COL16A1: variants seen among roughly 807,000 people sequenced by gnomAD.
The protein encoded by COL16A1 is collagen alpha-1(XVI) chain.
A neutral mutation model predicts 266.3 loss-of-function variants in COL16A1; 189 were observed. The observed-to-expected ratio is 0.71, with a 90% confidence interval of 0.63 to 0.80. The LOEUF (loss-of-function observed/expected upper bound fraction) is 0.80, where lower values mean the gene tolerates loss of function less well. Ranked by LOEUF, COL16A1 falls within the 30% of genes least tolerant of loss-of-function variation. The pLI is 0.00. For synonymous variants in COL16A1, 740 were observed against 782.3 expected (o/e 0.95, Z 0.90); for missense variants, 1,928 against 2,122.4 (o/e 0.91, Z 1.80).
chr1:31,690,530 G>A lies in COL16A1; in HGVS notation c.1481C>T (p.Pro494Leu), dbSNP rs747974842. 1 of 1,613,990 alleles carries A rather than the reference G, an allele frequency of 6.2e-7. No homozygotes were observed. ...CCCCGCTGGATTGGTGTCACTCACA[G>A]GTTTCCCACCAGGGCCTTCCTTTCC... ...IPGKEGPGGK[P>L]GKPGVKGEKG... Residue 494 changes from proline (P) to leucine (L), a missense_variant and splice_region_variant, in exon 21 of 71, where the codon CCT (proline) becomes CTT (leucine). Transcript: ENST00000373672.
intron 52 of COL16A1, 126 bp downstream of exon 52, chr1:31,667,449 G>T (rs1642230458): frequency 1.3e-6 from 1 of 753,542 alleles, no homozygotes; most frequent in South Asian, 1.8e-5. Context: ...TGTGCTGCAG[G>T]CTTGGGGGCA....
chr1:31,683,693 G>T lies in COL16A1; in HGVS notation c.2379+14C>A, dbSNP rs767393131. ...GTGCTGAGAGGACAGGCAAAGGCAG[G>T]GCTAGAGACTCACCTGGGGTCCCTG... On this transcript the variant is annotated intron_variant, in intron 34 of 70. Transcript: ENST00000373672. The T allele has an allele frequency of 2.5e-6, 4 of 1,614,034 alleles. No individual in the cohort carries two copies. Among genetic ancestry groups the T allele is most frequent in the East Asian group, 2.2e-5 (1 of 44,872 alleles).
At chr1:31,680,216 A>T in intron 39 of COL16A1, 115 bp from the exon 40 acceptor site, 1 of 1,465,232 alleles carries the variant, frequency 6.8e-7, no homozygotes, top group Non-Finnish European at 9.2e-7. Flanking sequence ...TCAATCCAGG[A>T]TCTGCCTCTT....
chr1:31,697,033 T>C lies in COL16A1; in HGVS notation c.794A>G (p.Glu265Gly), dbSNP rs1394625444. 5 of 1,614,098 alleles carry C rather than the reference T, an allele frequency of 3.1e-6. No individual in the cohort carries two copies. Among genetic ancestry groups the C allele is most frequent in the Non-Finnish European group, 4.2e-6 (5 of 1,180,000 alleles). ...CTTGCCTTCAGACTGTGGATTGATC[T>C]CAATGAGCTCATTGCTCTGGGTGTC... is the stretch of plus-strand genomic sequence containing the variant. ...RRDTQSNELIEINPQSEGKVY... is the reference protein window; with the variant it reads ...RRDTQSNELIGINPQSEGKVY... The change falls in exon 8 of 71, where the codon GAG (glutamate) becomes GGG (glycine). Residue 265 changes from glutamate to glycine, a missense_variant. By Grantham distance (98) the Glu-to-Gly change is moderately conservative (BLOSUM62 -2). This residue lies in a region of COL16A1 where 1,552 missense variants were observed against 1,637.2 expected (regional missense o/e 0.95). Coordinates refer to ENST00000373672, the MANE Select transcript of COL16A1 (RefSeq NM_001856.4). This position sits in a 1 kb window ranked among gnomAD's most constrained non-coding sequence, Gnocchi z 4.2.
chr1:31,684,564 C>T lies in COL16A1; in HGVS notation c.2119G>A (p.Glu707Lys), dbSNP rs561814177. ...GTTGRPGLSG[E>K]PGVQGPAGPK... ...CCCGCGGGGCCCTGAACTCCAGGCTCTCCTGACAGTCCTGGCCGCCCTGTG... is the reference window on the plus strand; with the variant it reads ...CCCGCGGGGCCCTGAACTCCAGGCTTTCCTGACAGTCCTGGCCGCCCTGTG... The change falls in exon 31 of 71, where the codon GAG (glutamate) becomes AAG (lysine). Residue 707 changes from glutamate to lysine, a missense_variant. Glu to Lys is a moderately conservative substitution (Grantham distance 56). Coordinates refer to ENST00000373672, the MANE Select transcript of COL16A1 (RefSeq NM_001856.4). 1.9e-5 allele frequency: 30 copies of T among 1,613,740 alleles called. No homozygotes were observed. In the East Asian group the frequency reaches 4.5e-4, roughly 24 times the overall value.
At chr1:31,680,771 T>C (rs2148753782) in intron 39 of COL16A1, 134 bp downstream of exon 39, 1 of 1,543,022 alleles carries the variant, frequency 6.5e-7, no homozygotes, top group Non-Finnish European at 8.8e-7. Flanking sequence ...GGCAGCTTCA[T>C]GTGCACAGGC....
Position 31,657,060 on chromosome 1 carries a change from A to G in COL16A1, c.4029T>C (p.Pro1343=). 1.2e-6 allele frequency: 2 copies of G among 1,614,130 alleles called. No individual in the cohort carries two copies. The highest frequency in any genetic ancestry group is 1.7e-6 in the Non-Finnish European group (2 of 1,180,020). The change falls in exon 65 of 71, where the codon CCT becomes CCC. Residue 1343 remains proline (P), a synonymous_variant. Coordinates refer to ENST00000373672, the MANE Select transcript of COL16A1 (RefSeq NM_001856.4). This position sits in a 1 kb window ranked among gnomAD's most constrained non-coding sequence, Gnocchi z 6.4. The part of the protein sequence containing the change: ...PPGHPGPPGE[P]GTDGAAGKEG... ...CTTTGCCAGCTGCACCATCCGTACC[A>G]GGTTCGCCCTGGGGAGTAGAGAGCA...
At position 31,676,347 on chromosome 1, in the gene COL16A1, C is replaced by A. The variant is rs553342388; in HGVS notation, c.2773-1036G>T. ...CTCAAAAAAAAAAAAAAAAAAGAAC[C>A]CAGAGGAGTAAGTAACTTGCCAAAG... On this transcript the variant is annotated intron_variant, in intron 42 of 70. Coordinates refer to ENST00000373672, the MANE Select transcript of COL16A1 (RefSeq NM_001856.4). 2.6e-5 allele frequency among the ~76,000 whole-genome samples: 4 copies of A among 151,626 alleles called. No homozygotes were observed. In the East Asian group the frequency reaches 7.8e-4, roughly 29 times the overall value.
At chr1:31,703,145 T>C (rs1337843415) in intron 1 of COL16A1, among the ~76,000 whole-genome samples, 1 of 152,108 alleles carries the variant, frequency 6.6e-6, no homozygotes, top group Non-Finnish European at 1.5e-5. Context: ...AAACATATGC[T>C]CGCTGATATA....
chr1:31,691,206 T>C lies in COL16A1; in HGVS notation c.1419A>G (p.Pro473=), dbSNP rs1226275411. The C allele has an allele frequency of 1.2e-6, 2 of 1,613,872 alleles. No individual in the cohort carries two copies. Among genetic ancestry groups the C allele is most frequent in the African/African-American group, 1.3e-5 (1 of 74,930 alleles). ...PGTPGDPGGP[P]GPKGDKGSSG... Reference sequence around the variant, plus strand: ...TGCTCACCTTGTCTCCCTTGGGGCCTGGTGGGCCACCTGGATCCCCCTGAG... The same window carrying C: ...TGCTCACCTTGTCTCCCTTGGGGCCCGGTGGGCCACCTGGATCCCCCTGAG... The change falls in exon 20 of 71, where the codon CCA becomes CCG. Residue 473 remains proline (P), a synonymous_variant. Coordinates refer to ENST00000373672, the MANE Select transcript of COL16A1 (RefSeq NM_001856.4).
chr1:31,652,807 T>G lies in COL16A1; in HGVS notation c.4659A>C (p.Pro1553=). Residue 1553 remains proline, a synonymous_variant, in exon 71 of 71, where the codon CCA becomes CCC. Coordinates refer to ENST00000373672, the MANE Select transcript of COL16A1 (RefSeq NM_001856.4). The surrounding 1 kb of genome is among the most constrained non-coding windows in gnomAD (Gnocchi z 4.8). ...PGYGKMGATG[P]MGQQGIPGIP... The stretch of plus-strand genomic sequence containing the variant: ...TGCCAGGGATGCCTTGCTGGCCCAT[T>G]GGTCCTGTTGCACCCATCTTGCCAT... 6.3e-7 allele frequency: 1 copy of G among 1,592,996 alleles called. No homozygotes were observed. The highest frequency in any genetic ancestry group is 8.5e-7 in the Non-Finnish European group (1 of 1,172,350).
intron 2 of COL16A1, chr1:31,701,475 G>A (rs1427514490): frequency 1.0e-6 from 1 of 985,248 alleles, no homozygotes; most frequent in East Asian, 1.1e-4. Flanking sequence ...GTTCCTGCTT[G>A]GCGAAGCAGC....
intron 9 of COL16A1, 88 bp from the exon 10 acceptor site, chr1:31,695,875 G>T: frequency 7.9e-7 from 1 of 1,269,204 alleles, no homozygotes. Context: ...AAACCAACAG[G>T]AGTGGGCACT....
At position 31,661,659 on chromosome 1, in the gene COL16A1, C is replaced by G; in HGVS notation, c.3726+1G>C. On this transcript the variant is annotated splice_donor_variant, in intron 59 of 70. Coordinates refer to ENST00000373672, the MANE Select transcript of COL16A1 (RefSeq NM_001856.4). LOFTEE classifies it high-confidence loss of function. ...CAACTCCTTCCTGCAGCTCAACTTACCGGTGGTCCCATGAGTCCAGGGGGG... is the reference window on the plus strand; with the variant it reads ...CAACTCCTTCCTGCAGCTCAACTTAGCGGTGGTCCCATGAGTCCAGGGGGG... The G allele has an allele frequency of 6.2e-7, 1 of 1,613,530 alleles. No individual in the cohort carries two copies. The highest frequency in any genetic ancestry group is 8.5e-7 in the Non-Finnish European group (1 of 1,179,828).
At chr1:31,701,091 C>T (rs1041221583) in intron 2 of COL16A1, among the ~76,000 whole-genome samples, 7 of 152,186 alleles carry the variant, frequency 4.6e-5, no homozygotes, top group South Asian at 2.1e-4. Flanking sequence ...GCTGGCCTTG[C>T]ACTCTCTGGC....
intron 56 of COL16A1, 33 bp from the exon 57 acceptor site, chr1:31,662,691 C>CCCCCAA: frequency 8.4e-7 from 1 of 1,190,308 alleles, no homozygotes; most frequent in Non-Finnish European, 1.2e-6. Context: ...CCCCCCGCCC[C>CCCCCAA]ACAATAAAGT....
Position 31,698,114 on chromosome 1 carries a change from T to G in COL16A1, c.449A>C (p.Asp150Ala), listed in dbSNP as rs762789212. The G allele has an allele frequency of 6.2e-7, 1 of 1,613,990 alleles. No homozygotes were observed. Among genetic ancestry groups the G allele is most frequent in the Non-Finnish European group, 8.5e-7 (1 of 1,180,036 alleles). Residue 150 changes from aspartate (D) to alanine (A), a missense_variant, in exon 6 of 71, where the codon GAT becomes GCT. Coordinates refer to ENST00000373672, the MANE Select transcript of COL16A1 (RefSeq NM_001856.4). This position sits in a 1 kb window ranked among gnomAD's most constrained non-coding sequence, Gnocchi z 4.1. The part of the protein sequence containing the change: ...RSLELRAQGQ[D>A]GDFVSCIFPV... Reference sequence around the variant, plus strand: ...GAAGATGCAGGACACAAAGTCGCCATCCTGGCCCTGGGCCCTGAGCTCCAG... The same window carrying G: ...GAAGATGCAGGACACAAAGTCGCCAGCCTGGCCCTGGGCCCTGAGCTCCAG...
rs537774308 is a variant in COL16A1, at chr1:31,677,051, A to G, written c.2773-1740T>C. Reference sequence around the variant, plus strand: ...TTAGAGCAGTGCCTGGCACAGGGAAAATGCCTTGAACATGTCAATTATTAT... The same window carrying G: ...TTAGAGCAGTGCCTGGCACAGGGAAGATGCCTTGAACATGTCAATTATTAT... On this transcript the variant is annotated intron_variant, in intron 42 of 70. Transcript: ENST00000373672. Among the ~76,000 whole-genome samples, 88 of 152,248 alleles carry G rather than the reference A, an allele frequency of 5.8e-4. 3 individuals carry two copies. The South Asian group carries it at 0.018, about 31-fold the overall frequency.
chr1:31,682,016 C>T (rs1202334018), intron 37 of COL16A1, among the ~76,000 whole-genome samples: 2 of 25,598 alleles, frequency 7.8e-5, no homozygotes, highest in African/African-American at 2.9e-4. Flanking sequence ...TACAGTTCAC[C>T]TGGGCTATTT....
Sources: allele counts gnomAD v4.1 joint callset (sites outside exome capture counted in the v4.1 genomes callset), GRCh38; gene constraint gnomAD v4.1.1; regional missense constraint gnomAD v4.1.1; non-coding constraint Gnocchi (gnomAD v3.1); transcripts MANE v1.5; gene names NCBI Gene and HGNC (gene_info 2026-07-23, HGNC 2026-07-21).